The following CACHD1 variants were observed in gnomAD, a reference collection of about 807,000 sequenced individuals.
CACHD1 encodes cache domain containing 1.
CACHD1 carries 71 observed loss-of-function variants against 138.7 expected under a neutral mutation model. The observed-to-expected ratio is 0.51, with a 90% CI of 0.42 to 0.62. CACHD1 has a LOEUF of 0.62. Among genes scored for constraint, CACHD1 ranks in the 20% least tolerant of loss-of-function variants. The pLI is 0.00. For synonymous variants in CACHD1, 578 were observed against 591.5 expected (o/e 0.98, Z 0.33); for missense variants, 1,389 against 1,625.3 (o/e 0.85, Z 2.50).
At chr1:64,582,060 T>C (rs1254198042) in intron 2 of CACHD1, 96 bp from the exon 3 acceptor site, 19 of 1,347,036 alleles carry the variant, frequency 1.4e-5, no homozygotes, top group Non-Finnish European at 1.6e-5. Context: ...TTTTAATATA[T>C]GCAGCTTGTG....
Position 64,675,954 on chromosome 1 carries a change from C to T in CACHD1, c.2946C>T (p.Cys982=). 2 of 1,453,882 alleles carry T rather than the reference C, an allele frequency of 1.4e-6. No homozygotes were observed. The highest frequency in any genetic ancestry group is 1.4e-5 in the African/African-American group (1 of 69,918). 90.1% of individuals were successfully genotyped at this position (1,453,882 alleles called of 1,614,324 possible). A position where few individuals can be genotyped will look rare whatever the true frequency, so the allele number is the denominator to read the frequency against. Reference sequence around the variant, plus strand: ...AGTGCCCTCTAGAGGTCAATGAGTGCACTGGCAACCTCACCAATGCAGAGA... The same window carrying T: ...AGTGCCCTCTAGAGGTCAATGAGTGTACTGGCAACCTCACCAATGCAGAGA... The part of the protein sequence containing the change: ...PCECPLEVNE[C]TGNLTNAENR... The change falls in exon 21 of 27, where the codon TGC becomes TGT. Residue 982 remains cysteine (C), a synonymous_variant. Coordinates refer to ENST00000651257, the MANE Select transcript of CACHD1 (RefSeq NM_020925.4).
intron 4 of CACHD1, among the ~76,000 whole-genome samples, chr1:64,629,062 A>G (rs1368797057): frequency 1.3e-5 from 2 of 152,222 alleles, no homozygotes; most frequent in African/African-American, 4.8e-5. Context: ...AGCTCAGTGC[A>G]GGGAGAGATT....
chr1:64,621,389 T>C (rs1036108493), intron 4 of CACHD1, among the ~76,000 whole-genome samples: 1 of 152,180 alleles, frequency 6.6e-6, no homozygotes, highest in Non-Finnish European at 1.5e-5. Flanking sequence ...CTCTTCCCCT[T>C]TTTTTGTATA....
In CACHD1 at chr1:64,664,492, T is replaced by C. The variant is rs1649562140; in HGVS notation, c.2095-6T>C. ...GATCCCTGCTATGTCTTCCTTTGTT[T>C]CCCAGTTCTCTGTCAGAAATGAAGT... On this transcript the variant is annotated splice_region_variant and splice_polypyrimidine_tract_variant and intron_variant, in intron 14 of 26. Coordinates refer to ENST00000651257, the MANE Select transcript of CACHD1 (RefSeq NM_020925.4). 1 of 1,613,848 alleles carries C rather than the reference T, an allele frequency of 6.2e-7. No homozygotes were observed. Among genetic ancestry groups the C allele is most frequent in the Non-Finnish European group, 8.5e-7 (1 of 1,179,882 alleles).
intron 3 of CACHD1, among the ~76,000 whole-genome samples, chr1:64,584,102 A>G (rs1395015366): frequency 6.6e-6 from 1 of 152,170 alleles, no homozygotes; most frequent in Non-Finnish European, 1.5e-5. Context: ...TCAGGGCAGG[A>G]AGAACAGATA....
chr1:64,681,559 T>TTTTTTTTTTTTTTTTTTTTA, intron 25 of CACHD1, among the ~76,000 whole-genome samples: 1 of 147,076 alleles, frequency 6.8e-6, no homozygotes, highest in African/African-American at 2.5e-5. Flanking sequence ...TTTTTTTTTT[T>TTTTTTTTTTTTTTTTTTTTA]TTTTTGCATT....
chr1:64,645,016 G>C (rs1235203711), intron 8 of CACHD1, among the ~76,000 whole-genome samples: 1 of 152,208 alleles, frequency 6.6e-6, no homozygotes, highest in African/African-American at 2.4e-5. Flanking sequence ...AGAATCGCTT[G>C]ATCCTGGGAG....
At chr1:64,483,875 C>T (rs11308054) in intron 1 of CACHD1, among the ~76,000 whole-genome samples, 4 of 113,656 alleles carry the variant, frequency 3.5e-5, no homozygotes, top group African/African-American at 1.2e-4. Context: ...CCCCCCCCCC[C>T]TTGCATATAA....
At chr1:64,681,547 T>TTTTTGTTTTG (rs1650186438) in intron 25 of CACHD1, among the ~76,000 whole-genome samples, 1 of 114,504 alleles carries the variant, frequency 8.7e-6, no homozygotes, top group African/African-American at 2.8e-5. Context: ...TTGTGTTTTT[T>TTTTTGTTTTG]TTTTTTTTTT....
At chr1:64,476,710 TC>T (rs1200607983) in intron 1 of CACHD1, among the ~76,000 whole-genome samples, 5 of 152,262 alleles carry the variant, frequency 3.3e-5, no homozygotes, top group Admixed American at 2.0e-4. Context: ...TTCCTGGACT[TC>T]CTTCTCACTA....
intron 16 of CACHD1, among the ~76,000 whole-genome samples, chr1:64,666,872 A>AAAAAAAAGAG (rs146557306): frequency 2.9e-5 from 4 of 138,026 alleles, no homozygotes; most frequent in Non-Finnish European, 3.0e-5. Context: ...AAAAAAAAAA[A>AAAAAAAAGAG]CGAGAAAGAA....
chr1:64,508,938 C>A (rs1646397760), intron 1 of CACHD1, among the ~76,000 whole-genome samples: 1 of 152,198 alleles, frequency 6.6e-6, no homozygotes, highest in Non-Finnish European at 1.5e-5. Context: ...TCCCCACCCC[C>A]AGGGTTCTTC....
At chr1:64,478,231 G>C (rs963483186) in intron 1 of CACHD1, among the ~76,000 whole-genome samples, 2 of 152,136 alleles carry the variant, frequency 1.3e-5, no homozygotes, top group Admixed American at 1.3e-4. Context: ...GTAATGCCAA[G>C]CTTCTTTGGG....
chr1:64,485,090 A>G (rs1170246304), intron 1 of CACHD1, among the ~76,000 whole-genome samples: 1 of 152,216 alleles, frequency 6.6e-6, no homozygotes, highest in Non-Finnish European at 1.5e-5. Context: ...CCCACCAGCA[A>G]TGCACAAGGG....
chr1:64,556,974 C>T (rs1252610014), intron 2 of CACHD1, among the ~76,000 whole-genome samples: 1 of 152,088 alleles, frequency 6.6e-6, no homozygotes, highest in African/African-American at 2.4e-5. Context: ...AAAAAATTAG[C>T]CGGGCGTGGT....
At chr1:64,682,558 G>A (rs1254665732) in intron 26 of CACHD1, among the ~76,000 whole-genome samples, 1 of 152,170 alleles carries the variant, frequency 6.6e-6, no homozygotes. Flanking sequence ...AGCAACATTT[G>A]CACTGAGCCT....
At chr1:64,539,176 C>A (rs1242045664) in intron 1 of CACHD1, among the ~76,000 whole-genome samples, 1 of 152,092 alleles carries the variant, frequency 6.6e-6, no homozygotes, top group African/African-American at 2.4e-5. Flanking sequence ...GCATTTTTTT[C>A]TTTGCGAAAA....
At chr1:64,489,717 T>A (rs1404659231) in intron 1 of CACHD1, among the ~76,000 whole-genome samples, 1 of 152,188 alleles carries the variant, frequency 6.6e-6, no homozygotes, top group Non-Finnish European at 1.5e-5. Flanking sequence ...AGGAAGTGTT[T>A]GCTTTTTCTT....
At chr1:64,535,842 G>A (rs1437396355) in intron 1 of CACHD1, among the ~76,000 whole-genome samples, 1 of 152,084 alleles carries the variant, frequency 6.6e-6, no homozygotes, top group Non-Finnish European at 1.5e-5. Flanking sequence ...CTGTGGTGGT[G>A]GGGGGCCTAG....
Sources: gnomAD v4.1 joint callset for allele counts (sites outside exome capture counted in the v4.1 genomes callset) on GRCh38, gnomAD v4.1.1 for gene constraint, MANE v1.5 for transcripts, NCBI Gene and HGNC (gene_info 2026-07-23, HGNC 2026-07-21) for gene names.